DUS2: variants seen among roughly 807,000 people sequenced by gnomAD.
DUS2 encodes the protein dihydrouridine synthase 2.
In DUS2, 52 loss-of-function variants were observed where a neutral mutation model predicts 71.3. The observed-to-expected ratio is 0.73, with a 90% CI of 0.58 to 0.92. DUS2 has a LOEUF of 0.92. Among genes scored for constraint, DUS2 ranks in the 40% least tolerant of loss-of-function variants. The probability of loss-of-function intolerance (pLI) is 0.00; values close to 1 mark genes in which losing one functional copy is unlikely to be tolerated. For synonymous variants in DUS2, 204 were observed against 227.8 expected (o/e 0.90, Z 0.94); for missense variants, 558 against 622.6 (o/e 0.90, Z 1.10).
At chr16:68,044,812 A>T (rs9937116) in intron 3 of DUS2, among the ~76,000 whole-genome samples, 6,125 of 151,694 alleles carry the variant, frequency 0.04, 372 homozygotes, top group African/African-American at 0.13. Flanking sequence ...TTATTTTTTG[A>T]GGCAGAGTCC....
chr16:68,040,332 C>G (rs2033604170), intron 3 of DUS2, among the ~76,000 whole-genome samples: 2 of 152,124 alleles, frequency 1.3e-5, no homozygotes, highest in South Asian at 4.1e-4. Flanking sequence ...ATCCACCTGC[C>G]TTGGCCTCCC....
intron 7 of DUS2, among the ~76,000 whole-genome samples, chr16:68,059,892 A>G (rs771692900): frequency 6.6e-6 from 1 of 152,230 alleles, no homozygotes; most frequent in Non-Finnish European, 1.5e-5. Flanking sequence ...GAAAATCACC[A>G]GTAACTCACA....
chr16:68,057,473 A>T (rs2033877320), intron 7 of DUS2, among the ~76,000 whole-genome samples: 1 of 151,738 alleles, frequency 6.6e-6, no homozygotes, highest in African/African-American at 2.4e-5. Context: ...TGGCCCACAC[A>T]TGTAATCCTA....
Position 68,070,995 on chromosome 16 carries a change from G to GC in DUS2, c.699dup (p.Thr234HisfsTer42), listed in dbSNP as rs1319733658. 1 of 1,614,088 alleles carries GC rather than the reference G, an allele frequency of 6.2e-7. No individual in the cohort carries two copies. Among genetic ancestry groups the GC allele is most frequent in the Non-Finnish European group, 8.5e-7 (1 of 1,180,046 alleles). ...TTCGGACATAGAGGACTTTCGACAA[G>GC]CCACGGCAGCCTCTTCCGTGATGGT... On this transcript the variant is annotated frameshift_variant, in exon 12 of 17. Transcript: ENST00000565263. LOFTEE classifies it high-confidence loss of function.
intron 3 of DUS2, among the ~76,000 whole-genome samples, chr16:68,040,725 C>A (rs564314654): frequency 6.6e-6 from 1 of 151,344 alleles, no homozygotes; most frequent in Non-Finnish European, 1.5e-5. Flanking sequence ...ACTGGGCCCC[C>A]GGGCATGGCT....
At chr16:68,057,290 C>G (rs2033874508) in intron 7 of DUS2, among the ~76,000 whole-genome samples, 1 of 145,968 alleles carries the variant, frequency 6.9e-6, no homozygotes, top group South Asian at 2.1e-4. Flanking sequence ...AACTCATGCC[C>G]AAGTAATAAA....
chr16:68,027,239 G>GTT (rs1251832254), intron 2 of DUS2, among the ~76,000 whole-genome samples: 15 of 140,088 alleles, frequency 1.1e-4, no homozygotes, highest in East Asian at 2.1e-4. Flanking sequence ...TTAACTTCTT[G>GTT]TTTTTTTTTT....
At chr16:68,035,858 G>A (rs930654066) in intron 2 of DUS2, among the ~76,000 whole-genome samples, 2 of 137,634 alleles carry the variant, frequency 1.5e-5, no homozygotes, top group Non-Finnish European at 3.0e-5. Context: ...AGGATTACAG[G>A]TGTGTACCAC....
Position 68,078,752 on chromosome 16 carries a change from C to G in DUS2, c.1248C>G (p.Asp416Glu), listed in dbSNP as rs1458529979. ...AEQKYQSTLW[D>E]KSKKLAEQAA... ...TTATTGCCCTCTGTCTGCTCAGGGACAAGTCCAAGAAACTGGCGGAGCAGG... is the reference window on the plus strand; with the variant it reads ...TTATTGCCCTCTGTCTGCTCAGGGAGAAGTCCAAGAAACTGGCGGAGCAGG... The change falls in exon 17 of 17, where the codon GAC becomes GAG. Residue 416 changes from aspartate (D) to glutamate (E), a missense_variant. By Grantham distance (45) the Asp-to-Glu change is conservative (BLOSUM62 2). Transcript: ENST00000565263. 1 of 1,605,854 alleles carries G rather than the reference C, an allele frequency of 6.2e-7. No homozygotes were observed. Among genetic ancestry groups the G allele is most frequent in the African/African-American group, 1.3e-5 (1 of 74,780 alleles).
At chr16:68,033,676 T>C (rs1203532469) in intron 2 of DUS2, among the ~76,000 whole-genome samples, 1 of 149,578 alleles carries the variant, frequency 6.7e-6, no homozygotes, top group Non-Finnish European at 1.5e-5. Context: ...TCTTGCTGTG[T>C]CACCCAGGCT....
chr16:68,077,446 G>A (rs1320581184), intron 15 of DUS2: 1 of 152,102 alleles, frequency 6.6e-6, no homozygotes, highest in East Asian at 1.9e-4. Context: ...GCAGTGCAGT[G>A]GCATGATCTT....
chr16:68,024,838 T>C (rs2033321140), intron 1 of DUS2, among the ~76,000 whole-genome samples: 1 of 151,428 alleles, frequency 6.6e-6, no homozygotes, highest in African/African-American at 2.4e-5. Context: ...ATACTTTTTT[T>C]TTTTTTTTTT....
At chr16:68,039,574 A>G (rs1266418228) in intron 3 of DUS2, among the ~76,000 whole-genome samples, 3 of 152,064 alleles carry the variant, frequency 2.0e-5, no homozygotes, top group Non-Finnish European at 4.4e-5. Flanking sequence ...GTCCGCCACC[A>G]CGCCTGGCTA....
At chr16:68,035,954 A>C (rs1407470090) in intron 2 of DUS2, among the ~76,000 whole-genome samples, 1 of 141,370 alleles carries the variant, frequency 7.1e-6, no homozygotes, top group African/African-American at 2.7e-5. Flanking sequence ...ACATATATAT[A>C]CACACATATG....
In DUS2 at chr16:68,027,239, G is replaced by GT. The variant is rs1251832254; in HGVS notation, c.-19+1760dup. ...GTTGCACTTGGTCCATTAACTTCTT[G>GT]TTTTTTTTTTTTTTTGGAGATGGAG... is the stretch of plus-strand genomic sequence containing the variant. On this transcript the variant is annotated intron_variant, in intron 2 of 16. Coordinates refer to ENST00000565263, the MANE Select transcript of DUS2 (RefSeq NM_017803.5). Among the ~76,000 whole-genome samples, 533 of 139,946 alleles carry GT rather than the reference G, an allele frequency of 3.8e-3. 1 individual carries two copies. The highest frequency in any genetic ancestry group is 0.016 in the South Asian group (71 of 4,356). 91.8% of individuals were successfully genotyped at this position (139,946 alleles called of 152,430 possible). A position where few individuals can be genotyped will look rare whatever the true frequency, so the allele number is the denominator to read the frequency against.
chr16:68,038,332 A>G (rs568014494), intron 3 of DUS2, among the ~76,000 whole-genome samples, 183 bp downstream of exon 3: 1 of 152,330 alleles, frequency 6.6e-6, no homozygotes, highest in South Asian at 2.1e-4. Flanking sequence ...GCCAAGGTCC[A>G]GGAGCCTGGT....
intron 14 of DUS2, 39 bp downstream of exon 14, chr16:68,075,543 G>A (rs2151426999): frequency 6.3e-7 from 1 of 1,582,648 alleles, no homozygotes; most frequent in Non-Finnish European, 8.6e-7. Context: ...GCTAGGGCCA[G>A]CACCCTTGGG....
chr16:68,054,688 G>A, intron 6 of DUS2, 71 bp downstream of exon 6: 1 of 1,562,004 alleles, frequency 6.4e-7, no homozygotes, highest in Non-Finnish European at 8.8e-7. Context: ...ATGTCCTGGT[G>A]ACTTTGTAGG....
chr16:68,077,404 T>G (rs939631832), intron 15 of DUS2: 3 of 152,192 alleles, frequency 2.0e-5, no homozygotes, highest in African/African-American at 7.2e-5. Context: ...TATTTATTTT[T>G]TGAGACGGAG....
Sources: gnomAD v4.1 joint callset for allele counts (sites outside exome capture counted in the v4.1 genomes callset) on GRCh38, gnomAD v4.1.1 for gene constraint, MANE v1.5 for transcripts, NCBI Gene and HGNC (gene_info 2026-07-23, HGNC 2026-07-21) for gene names.